Variants in ABCA5 observed in about 807,000 individuals in gnomAD.
ABCA5 encodes the protein cholesterol transporter ABCA5.
Under a neutral mutation model 206.0 loss-of-function variants are expected in ABCA5, and 163 were observed. That is an observed-to-expected ratio of 0.79 (90% CI 0.70 to 0.90). ABCA5 has a LOEUF of 0.90. Among genes scored for constraint, ABCA5 ranks in the 40% least tolerant of loss-of-function variants. The pLI, the probability that ABCA5 is intolerant of heterozygous loss-of-function variation, is 0.00. For synonymous variants in ABCA5, 609 were observed against 613.8 expected, an observed-to-expected ratio of 0.99 and a Z score of 0.11; for missense variants, 1,859 against 1,912.9, an observed-to-expected ratio of 0.97 and a Z score of 0.53.
At chr17:69,260,627 G>A (rs1361931742) in intron 26 of ABCA5, among the ~76,000 whole-genome samples, 1 of 151,824 alleles carries the variant, frequency 6.6e-6, no homozygotes, top group Non-Finnish European at 1.5e-5. Flanking sequence ...ACCTAAAAAG[G>A]GAAGCAGGGG....
chr17:69,261,391 G>T, intron 25 of ABCA5, 132 bp from the exon 26 acceptor site: 1 of 848,660 alleles, frequency 1.2e-6, no homozygotes, highest in Non-Finnish European at 1.8e-6. Context: ...TAGCCAGCAA[G>T]CAACAAGAAT....
At chr17:69,251,631 A>G in intron 35 of ABCA5, 116 bp downstream of exon 35, 1 of 1,408,598 alleles carries the variant, frequency 7.1e-7, no homozygotes, top group Non-Finnish European at 9.4e-7. Flanking sequence ...AGCTAACTCA[A>G]AAACTAAAAT....
intron 1 of ABCA5, among the ~76,000 whole-genome samples, chr17:69,321,421 G>A (rs1409798762): frequency 6.6e-6 from 1 of 152,138 alleles, no homozygotes; most frequent in African/African-American, 2.4e-5. Flanking sequence ...CTTTTCTTGG[G>A]ATACAAGAAA....
In ABCA5 at chr17:69,316,283, A is replaced by C. The variant is rs552396814; in HGVS notation, c.-15-1853T>G. ...CAAGGCAGACAGATCACCTGAGGTC[A>C]GGAGTTCAAGACCAGCCTGGCCAAC... On this transcript the variant is annotated intron_variant, in intron 1 of 38. Coordinates refer to ENST00000392676, the MANE Select transcript of ABCA5 (RefSeq NM_172232.4). Among the ~76,000 whole-genome samples the C allele has an allele frequency of 2.0e-5, 3 of 152,342 alleles. No homozygotes were observed. In the East Asian group the frequency reaches 5.8e-4, roughly 29 times the overall value.
At chr17:69,308,682 C>A (rs1181353203) in intron 4 of ABCA5, among the ~76,000 whole-genome samples, 4 of 152,058 alleles carry the variant, frequency 2.6e-5, no homozygotes, top group Non-Finnish European at 5.9e-5. Context: ...TTCTACATGA[C>A]TTAGCTCTAA....
rs2075747814 is a variant in ABCA5 at position 69,309,305 on chromosome 17, A to G, written c.426T>C (p.Phe142=). ...KDSMSYELRF[F]PDMIPVSSIY... Reference sequence around the variant, plus strand: ...TAGAAGATACTGGAATCATATCAGGAAAAAAACGAAGTTCATAGGACATGG... The same window carrying G: ...TAGAAGATACTGGAATCATATCAGGGAAAAAACGAAGTTCATAGGACATGG... Residue 142 remains phenylalanine (F), a synonymous_variant, in exon 4 of 39, where the codon TTT becomes TTC. Transcript: ENST00000392676. 1.3e-6 allele frequency: 2 copies of G among 1,598,466 alleles called. No homozygotes were observed. The highest frequency in any genetic ancestry group is 1.7e-6 in the Non-Finnish European group (2 of 1,175,626).
intron 6 of ABCA5, among the ~76,000 whole-genome samples, chr17:69,305,514 G>A (rs1181600239): frequency 1.3e-5 from 2 of 152,068 alleles, no homozygotes; most frequent in African/African-American, 2.4e-5. Context: ...AGAATGATTT[G>A]CCTAAATTCT....
At chr17:69,251,999 C>T (rs1382872020) in intron 34 of ABCA5, 133 bp from the exon 35 acceptor site, 14 of 725,292 alleles carry the variant, frequency 1.9e-5, no homozygotes, top group Non-Finnish European at 2.8e-5. Context: ...ATGGCTATTA[C>T]ATCCTGCCCA....
At chr17:69,272,334 C>CA (rs1028490066) in intron 20 of ABCA5, among the ~76,000 whole-genome samples, 10 of 150,850 alleles carry the variant, frequency 6.6e-5, no homozygotes, top group Admixed American at 5.3e-4. Flanking sequence ...GCCAGTGGTT[C>CA]AAAAAAAAGT....
chr17:69,291,674 G>C (rs2075527544), intron 11 of ABCA5, among the ~76,000 whole-genome samples: 1 of 151,952 alleles, frequency 6.6e-6, no homozygotes, highest in Non-Finnish European at 1.5e-5. Context: ...AAATAAACTG[G>C]CAAAAAAACA....
chr17:69,303,853 T>TATACACATACATATATATAC (rs1555584175), intron 7 of ABCA5, among the ~76,000 whole-genome samples: 1 of 31,180 alleles, frequency 3.2e-5, no homozygotes, highest in African/African-American at 1.0e-4. Flanking sequence ...TACATATATA[T>TATACACATACATATATATAC]ATGTATATAT....
Position 69,268,100 on chromosome 17 carries a change from TTATATCTTAAGA to T in ABCA5, c.3031-56_3031-45del. The T allele has an allele frequency of 3.3e-6, 3 of 910,076 alleles. No individual in the cohort carries two copies. The South Asian group carries it at 4.2e-5, about 13-fold the overall frequency. The allele number at this position is 910,076 out of a possible 1,614,324, so 56.4% of individuals were successfully genotyped here. A position where few individuals can be genotyped will look rare whatever the true frequency, so the allele number is the denominator to read the frequency against. ...GTAACAAATGGAACTGAGAATCATTTTATATCTTAAGATATATCTTAGGATATATCTTATATC... is the reference window on the plus strand; with the variant it reads ...GTAACAAATGGAACTGAGAATCATTTTATATCTTAGGATATATCTTATATC... On this transcript the variant is annotated intron_variant, in intron 22 of 38. Coordinates refer to ENST00000392676, the MANE Select transcript of ABCA5 (RefSeq NM_172232.4).
intron 1 of ABCA5, among the ~76,000 whole-genome samples, chr17:69,323,784 G>T (rs761215203): frequency 5.3e-5 from 8 of 152,296 alleles, no homozygotes; most frequent in Middle Eastern, 6.8e-3. Flanking sequence ...TAAAGATCAA[G>T]GATGTGCAAA....
chr17:69,282,599 C>G (rs2075406739), intron 18 of ABCA5, among the ~76,000 whole-genome samples: 1 of 152,040 alleles, frequency 6.6e-6, no homozygotes, highest in Admixed American at 6.6e-5. Flanking sequence ...AAAACCCTGT[C>G]TCTACTAAAA....
intron 22 of ABCA5, among the ~76,000 whole-genome samples, chr17:69,270,002 G>A (rs1180943055): frequency 6.6e-6 from 1 of 151,952 alleles, no homozygotes; most frequent in Non-Finnish European, 1.5e-5. Flanking sequence ...ACTGACTGTA[G>A]TGATGACTGC....
At position 69,256,456 on chromosome 17, in the gene ABCA5, C is replaced by CT. The variant is rs563994135; in HGVS notation, c.3732-174dup. On this transcript the variant is annotated intron_variant, in intron 28 of 38. Transcript: ENST00000392676. The stretch of plus-strand genomic sequence containing the variant: ...TTTCTTTTTTTTTCTTTCTTTCTTT[C>CT]TTTTTTTTTTTTTTTAAGACAGGGT... Among the ~76,000 whole-genome samples, 526 of 137,808 alleles carry CT rather than the reference C, an allele frequency of 3.8e-3. 5 individuals are homozygous for CT. Among genetic ancestry groups the CT allele is most frequent in the African/African-American group, 7.0e-3 (262 of 37,426 alleles). The allele number at this position is 137,808 out of a possible 152,430, so 90.4% of individuals were successfully genotyped here. A position where few individuals can be genotyped will look rare whatever the true frequency, so the allele number is the denominator to read the frequency against.
chr17:69,294,699 T>C lies in ABCA5; in HGVS notation c.1451A>G (p.Gln484Arg), dbSNP rs17686569. The change falls in exon 11 of 39, where the codon CAG becomes CGG. Residue 484 changes from glutamine to arginine, a missense_variant. Coordinates refer to ENST00000392676, the MANE Select transcript of ABCA5 (RefSeq NM_172232.4). ...GKEAIRISGI[Q>R]KTYRKKGENV... ...TTCACCCTTCTTTCTGTATGTCTTCTGAATACCACTAATTCTGAAATATAA... is the reference window on the plus strand; with the variant it reads ...TTCACCCTTCTTTCTGTATGTCTTCCGAATACCACTAATTCTGAAATATAA... The C allele has an allele frequency of 0.14, 224,232 of 1,597,538 alleles. 16,880 individuals are homozygous for C. Among genetic ancestry groups the C allele is most frequent in the African/African-American group, 0.23 (16,840 of 74,504 alleles).
chr17:69,299,289 T>C (rs79344068), intron 9 of ABCA5, among the ~76,000 whole-genome samples: 6,473 of 152,228 alleles, frequency 0.043, 186 homozygotes, highest in Non-Finnish European at 0.066. Context: ...AGTCTACCGA[T>C]TGATCCAGCA....
intron 28 of ABCA5, among the ~76,000 whole-genome samples, chr17:69,258,167 G>C (rs1214484929): frequency 1.3e-5 from 2 of 151,662 alleles, no homozygotes; most frequent in Non-Finnish European, 2.9e-5. Context: ...CCTACTACTG[G>C]ATATATATCC....
Sources: gnomAD v4.1 joint callset for allele counts (sites outside exome capture counted in the v4.1 genomes callset) on GRCh38, gnomAD v4.1.1 for gene constraint, MANE v1.5 for transcripts, NCBI Gene and HGNC (gene_info 2026-07-23, HGNC 2026-07-21) for gene names.